LRBA: variants seen among roughly 807,000 people sequenced by gnomAD.
LRBA encodes the protein LPS responsive beige-like anchor protein.
In LRBA, 176 loss-of-function variants were observed where a neutral mutation model predicts 330.0. The observed-to-expected ratio is 0.53, with a 90% CI of 0.47 to 0.60. The LOEUF is 0.60. Among genes scored for constraint, LRBA ranks in the 20% least tolerant of loss-of-function variants. The pLI, the probability that LRBA is intolerant of heterozygous loss-of-function variation, is 0.00. For missense variants in LRBA, 3,259 were observed against 3,444.8 expected (o/e 0.95, Z 1.35); for synonymous variants, 1,230 against 1,193.0 (o/e 1.03, Z -0.64).
chr4:150,703,889 A>G (rs144480183), intron 36 of LRBA, among the ~76,000 whole-genome samples: 24 of 152,250 alleles, frequency 1.6e-4, no homozygotes, highest in African/African-American at 5.5e-4. Context: ...CAAAATATAA[A>G]GAACAGAACA....
At chr4:150,443,873 T>TATATATATATATATATATATA (rs1491391084) in intron 44 of LRBA, among the ~76,000 whole-genome samples, 5 of 18,618 alleles carry the variant, frequency 2.7e-4, no homozygotes, top group Non-Finnish European at 3.9e-4. Flanking sequence ...TATATATATA[T>TATATATATATATATATATATA]TTTTTTTTTT....
intron 36 of LRBA, among the ~76,000 whole-genome samples, chr4:150,693,675 A>G (rs1784361081): frequency 6.6e-6 from 1 of 152,104 alleles, no homozygotes; most frequent in Admixed American, 6.5e-5. Flanking sequence ...AATTCAGAAC[A>G]GTGGTTACCT....
intron 56 of LRBA, among the ~76,000 whole-genome samples, chr4:150,275,143 G>C (rs1746594841): frequency 6.6e-6 from 1 of 152,144 alleles, no homozygotes; most frequent in Non-Finnish European, 1.5e-5. Flanking sequence ...ATCAATAAAA[G>C]TAATCCATCA....
chr4:150,379,269 C>G (rs1370315448), intron 47 of LRBA, among the ~76,000 whole-genome samples: 1 of 139,760 alleles, frequency 7.2e-6, no homozygotes, highest in Non-Finnish European at 1.5e-5. Context: ...CGCCATCGCA[C>G]TCCAGCCTGG....
chr4:150,572,593 A>G (rs141758592), intron 40 of LRBA, among the ~76,000 whole-genome samples: 4 of 152,262 alleles, frequency 2.6e-5, no homozygotes, highest in Non-Finnish European at 4.4e-5. Flanking sequence ...GCACAGACTT[A>G]TCTAAATCAA....
In LRBA at chr4:150,479,432, T is replaced by G. The variant is rs1460223441; in HGVS notation, c.6552-7693A>C. 2.0e-5 allele frequency among the ~76,000 whole-genome samples: 3 copies of G among 152,202 alleles called. No homozygotes were observed. In the East Asian group the frequency reaches 5.8e-4, roughly 29 times the overall value. On this transcript the variant is annotated intron_variant, in intron 42 of 56. Coordinates refer to ENST00000651943, the MANE Select transcript of LRBA (RefSeq NM_001364905.1). ...TCTTAACTAATATAAGGAAATCCAC[T>G]ATGCTCCTCTGGGCTGCTTCTTCCT...
At chr4:150,401,368 C>T (rs4696320) in intron 47 of LRBA, among the ~76,000 whole-genome samples, 34,333 of 151,964 alleles carry the variant, frequency 0.23, 4,469 homozygotes, top group Non-Finnish European at 0.31. Flanking sequence ...TAAAATGACA[C>T]ATAAGGAAAG....
chr4:150,932,880 C>T (rs1734662421), intron 2 of LRBA, among the ~76,000 whole-genome samples: 1 of 151,962 alleles, frequency 6.6e-6, no homozygotes, highest in Admixed American at 6.6e-5. Flanking sequence ...CGCATCACTG[C>T]ACTCTAGACT....
At chr4:150,978,474 G>A (rs1583188) in intron 2 of LRBA, among the ~76,000 whole-genome samples, 16,735 of 152,052 alleles carry the variant, frequency 0.11, 1,299 homozygotes, top group South Asian at 0.26. Context: ...TCCAGACACT[G>A]ACAAACATCC....
At chr4:150,943,224 G>A (rs952437850) in intron 2 of LRBA, among the ~76,000 whole-genome samples, 41 of 152,142 alleles carry the variant, frequency 2.7e-4, no homozygotes, top group Non-Finnish European at 5.9e-5. Context: ...TAGACATCTT[G>A]AAAGGAAGAT....
chr4:150,371,792 A>G (rs1296169298), intron 47 of LRBA, among the ~76,000 whole-genome samples: 1 of 152,142 alleles, frequency 6.6e-6, no homozygotes, highest in Non-Finnish European at 1.5e-5. Flanking sequence ...AGATACCATA[A>G]AGCTTAAAGT....
intron 34 of LRBA, among the ~76,000 whole-genome samples, chr4:150,775,503 A>G (rs962019033): frequency 9.5e-5 from 13 of 136,790 alleles, no homozygotes; most frequent in African/African-American, 3.5e-4. Flanking sequence ...ACACACACAC[A>G]GTGATTGCAG....
chr4:150,813,171 AAAAAAG>A (rs1252533767), intron 31 of LRBA, among the ~76,000 whole-genome samples: 262 of 109,296 alleles, frequency 2.4e-3, no homozygotes, highest in Middle Eastern at 4.8e-3. Flanking sequence ...TAAAAAAAAA[AAAAAAG>A]AAAGAAAGAA....
Position 150,440,885 on chromosome 4 carries a change from T to C in LRBA, c.6781-4021A>G, listed in dbSNP as rs537239980. Among the ~76,000 whole-genome samples the C allele has an allele frequency of 2.0e-5, 3 of 152,238 alleles. No individual in the cohort carries two copies. In the East Asian group the frequency reaches 5.8e-4, roughly 29 times the overall value. ...ACTGTATTTAGGATATTTTAATAATTTCACAAATAGCAAAGCTGACATCTG... is the reference window on the plus strand; with the variant it reads ...ACTGTATTTAGGATATTTTAATAATCTCACAAATAGCAAAGCTGACATCTG... On this transcript the variant is annotated intron_variant, in intron 44 of 56. Coordinates refer to ENST00000651943, the MANE Select transcript of LRBA (RefSeq NM_001364905.1).
intron 31 of LRBA, among the ~76,000 whole-genome samples, chr4:150,810,433 TTA>T (rs10557704): frequency 0.87 from 132,682 of 151,924 alleles, 58,493 homozygotes; most frequent in Non-Finnish European, 0.95. Context: ...TGACTTTCCT[TTA>T]TATACCGGAA....
chr4:150,417,876 C>T (rs1443916788), intron 46 of LRBA, among the ~76,000 whole-genome samples: 1 of 152,100 alleles, frequency 6.6e-6, no homozygotes, highest in Non-Finnish European at 1.5e-5. Flanking sequence ...TTCAATCCTT[C>T]TAATATATAG....
At chr4:150,626,506 G>A (rs576206644) in intron 37 of LRBA, among the ~76,000 whole-genome samples, 10 of 151,712 alleles carry the variant, frequency 6.6e-5, no homozygotes, top group African/African-American at 2.4e-4. Flanking sequence ...ATACTCTAGG[G>A]GTACATTTTC....
intron 37 of LRBA, among the ~76,000 whole-genome samples, chr4:150,627,301 A>G (rs570118858): frequency 1.3e-5 from 2 of 152,196 alleles, no homozygotes; most frequent in South Asian, 4.1e-4. Context: ...ATAAGTATGC[A>G]AATAACAAAA....
intron 37 of LRBA, among the ~76,000 whole-genome samples, chr4:150,666,639 T>A (rs1469302893): frequency 6.6e-6 from 1 of 152,222 alleles, no homozygotes; most frequent in East Asian, 1.9e-4. Context: ...GTAAGCTATA[T>A]GCAAATACTA....
Sources: gnomAD v4.1 joint callset for allele counts (sites outside exome capture counted in the v4.1 genomes callset) on GRCh38, gnomAD v4.1.1 for gene constraint, MANE v1.5 for transcripts, NCBI Gene and HGNC (gene_info 2026-07-23, HGNC 2026-07-21) for gene names.